The following ZBTB22 variants were observed in gnomAD, a reference collection of about 807,000 sequenced individuals.
ZBTB22 encodes the protein zinc finger and BTB domain-containing protein 22.
For missense variants in ZBTB22, 668 were observed against 834.1 expected (o/e 0.80, Z 2.45); for synonymous variants, 356 against 347.3 (o/e 1.03, Z -0.28).
In ZBTB22 at chr6:33,316,121, C is replaced by T. The variant is rs1362911495; in HGVS notation, c.796G>A (p.Asp266Asn). 5 of 1,613,570 alleles carry T rather than the reference C, an allele frequency of 3.1e-6. No homozygotes were observed. The highest frequency in any genetic ancestry group is 2.2e-5 in the East Asian group (1 of 44,882). Reference sequence around the variant, plus strand: ...GCCCCCCTCCCATCCCCACCATCATCGCACAGCTCATCTGCCTCCAGCAGC... The same window carrying T: ...GCCCCCCTCCCATCCCCACCATCATTGCACAGCTCATCTGCCTCCAGCAGC... Reference protein sequence around the residue: ...KLLLEADELCDDGGDGRGAVV... With the variant: ...KLLLEADELCNDGGDGRGAVV... Residue 266 changes from aspartate (D) to asparagine (N), a missense_variant, in exon 2 of 2, where the codon GAT becomes AAT. By Grantham distance (23) the Asp-to-Asn change is conservative. Transcript: ENST00000431845. The surrounding 1 kb of genome is among the most constrained non-coding windows in gnomAD (Gnocchi z 7.2).
At position 33,316,166 on chromosome 6, in the gene ZBTB22, C is replaced by G. The variant is rs1250788946; in HGVS notation, c.751G>C (p.Gly251Arg). ...AGCAGCAGCTTTCCAGATGTGGCCC[C>G]TCCACTGCCAACGACAGGGGCTGGG... is the stretch of plus-strand genomic sequence containing the variant. ...VFPAPVVGSGGATSGKLLLEA... is the reference protein window; with the variant it reads ...VFPAPVVGSGRATSGKLLLEA... Residue 251 changes from glycine to arginine, a missense_variant, in exon 2 of 2, where the codon GGG becomes CGG. Gly to Arg is a moderately radical substitution (Grantham distance 125, BLOSUM62 -2). Coordinates refer to ENST00000431845, the MANE Select transcript of ZBTB22 (RefSeq NM_005453.5). The surrounding 1 kb of genome is among the most constrained non-coding windows in gnomAD (Gnocchi z 7.2). The G allele has an allele frequency of 1.9e-6, 3 of 1,613,988 alleles. No homozygotes were observed. The South Asian group carries it at 3.3e-5, about 18-fold the overall frequency.
Position 33,316,927 on chromosome 6 carries a change from G to C in ZBTB22, c.-11C>G, listed in dbSNP as rs1467593022. The C allele has an allele frequency of 5.7e-6, 9 of 1,566,548 alleles. No homozygotes were observed. The highest frequency in any genetic ancestry group is 7.8e-6 in the Non-Finnish European group (9 of 1,156,308). ...AGGAGATGGCTCCATGTTGTGGAGGGAGGGGATACCCCCCCAGCCACAGGA... is the reference window on the plus strand; with the variant it reads ...AGGAGATGGCTCCATGTTGTGGAGGCAGGGGATACCCCCCCAGCCACAGGA... On this transcript the variant is annotated 5_prime_UTR_variant, in exon 2 of 2. Coordinates refer to ENST00000431845, the MANE Select transcript of ZBTB22 (RefSeq NM_005453.5). This position sits in a 1 kb window ranked among gnomAD's most constrained non-coding sequence, Gnocchi z 7.2.
chr6:33,317,752 T>G (rs1450693066), upstream of ZBTB22: 1 of 90,378 alleles, frequency 1.1e-5, no homozygotes, highest in Non-Finnish European at 2.2e-5. Flanking sequence ...CCCTCCGCCC[T>G]CCGCCTCCGC....
At position 33,315,765 on chromosome 6, in the gene ZBTB22, A is replaced by G; in HGVS notation, c.1152T>C (p.Phe384=). 1 of 1,613,208 alleles carries G rather than the reference A, an allele frequency of 6.2e-7. No individual in the cohort carries two copies. The change falls in exon 2 of 2, where the codon TTT becomes TTC. Residue 384 remains phenylalanine (F), a synonymous_variant. Transcript: ENST00000431845. This position sits in a 1 kb window ranked among gnomAD's most constrained non-coding sequence, Gnocchi z 5.4. ...CAGGACCCCCACCCTCATATGGGCC[A>G]AAGTCATTGGAGGACTCACAGAAGT... ...QVNFCESSND[F]GPYEGGGPVA...
At position 33,316,465 on chromosome 6, in the gene ZBTB22, C is replaced by T. The variant is rs768312900; in HGVS notation, c.452G>A (p.Arg151Gln). ...AGTGATGGTGGTGGTAGCTGAGGCC[C>T]GGCCTTCTCGGAGTAGTTCAGTGCA... The part of the protein sequence containing the change: ...DKCTELLREG[R>Q]ASATTTITTA... Residue 151 changes from arginine (R) to glutamine (Q), a missense_variant, in exon 2 of 2, where the codon CGG (arginine) becomes CAG (glutamine). Arg to Gln is a conservative substitution (Grantham distance 43). Coordinates refer to ENST00000431845, the MANE Select transcript of ZBTB22 (RefSeq NM_005453.5). The surrounding 1 kb of genome is among the most constrained non-coding windows in gnomAD (Gnocchi z 7.2). 7.4e-6 allele frequency: 12 copies of T among 1,614,056 alleles called. No individual in the cohort carries two copies. Among genetic ancestry groups the T allele is most frequent in the South Asian group, 1.1e-5 (1 of 91,082 alleles).
intron 1 of ZBTB22, among the ~76,000 whole-genome samples, chr6:33,317,307 T>C (rs1769954091): frequency 6.6e-6 from 1 of 152,172 alleles, no homozygotes; most frequent in African/African-American, 2.4e-5. Context: ...CCGACTTACC[T>C]GAGAGCCTGA....
chr6:33,315,970 T>C lies in ZBTB22; in HGVS notation c.947A>G (p.Asp316Gly). ...CTCCTCTTCCTCCTCCAGATCTGGGTCTTGGGGAACCAGGGGTGTTGGCGC... is the reference window on the plus strand; with the variant it reads ...CTCCTCTTCCTCCTCCAGATCTGGGCCTTGGGGAACCAGGGGTGTTGGCGC... Reference protein sequence around the residue: ...CPAPTPLVPQDPDLEEEEEEE... With the variant: ...CPAPTPLVPQGPDLEEEEEEE... The change falls in exon 2 of 2, where the codon GAC (aspartate) becomes GGC (glycine). Residue 316 changes from aspartate (D) to glycine (G), a missense_variant. Coordinates refer to ENST00000431845, the MANE Select transcript of ZBTB22 (RefSeq NM_005453.5). The surrounding 1 kb of genome is among the most constrained non-coding windows in gnomAD (Gnocchi z 5.4). 6.2e-7 allele frequency: 1 copy of C among 1,614,028 alleles called. No individual in the cohort carries two copies. The highest frequency in any genetic ancestry group is 8.5e-7 in the Non-Finnish European group (1 of 1,179,992).
In ZBTB22 at chr6:33,315,905, C is replaced by T. The variant is rs1283136884; in HGVS notation, c.1012G>A (p.Glu338Lys). Residue 338 changes from glutamate (E) to lysine (K), a missense_variant, in exon 2 of 2, where the codon GAA becomes AAA. Physicochemically the swap from Glu to Lys is moderately conservative, Grantham distance 56. Coordinates refer to ENST00000431845, the MANE Select transcript of ZBTB22 (RefSeq NM_005453.5). The surrounding 1 kb of genome is among the most constrained non-coding windows in gnomAD (Gnocchi z 5.4). ...ACCCTGGAGCTACCCCCTAGTTCTT[C>T]ATCTTCATCATCCTCACAGGTCAAC... ...LVLTCEDDED[E>K]ELGGSSRVPV... 1 of 1,613,936 alleles carries T rather than the reference C, an allele frequency of 6.2e-7. No individual in the cohort carries two copies.
rs1769773724 is a variant in ZBTB22, at chr6:33,315,354, C to A, written c.1563G>T (p.Lys521Asn). 1 of 1,614,196 alleles carries A rather than the reference C, an allele frequency of 6.2e-7. No individual in the cohort carries two copies. Among genetic ancestry groups the A allele is most frequent in the Non-Finnish European group, 8.5e-7 (1 of 1,180,036 alleles). The change falls in exon 2 of 2, where the codon AAG becomes AAT. Residue 521 changes from lysine (K) to asparagine (N), a missense_variant. Physicochemically the swap from Lys to Asn is moderately conservative, Grantham distance 94. Transcript: ENST00000431845. This position sits in a 1 kb window ranked among gnomAD's most constrained non-coding sequence, Gnocchi z 5.4. ...RPFDCPVCNK[K>N]FKMKHHLTEH... ...CAGTCAGATGGTGCTTCATCTTGAA[C>A]TTTTTGTTGCACACGGGGCAGTCAA...
chr6:33,314,433 T>G lies in ZBTB22; in HGVS notation c.*579A>C. The stretch of plus-strand genomic sequence containing the variant: ...GGAAGCCAAGTAAATGACCAATAAA[T>G]ATTTTAATCACTGTTAAAAAAAATA... On this transcript the variant is annotated 3_prime_UTR_variant, in exon 2 of 2. Transcript: ENST00000431845. The G allele has an allele frequency of 3.4e-6, 1 of 292,182 alleles. No homozygotes were observed. The highest frequency in any genetic ancestry group is 6.4e-6 in the Non-Finnish European group (1 of 155,348). The allele number at this position is 292,182 out of a possible 1,614,324, so 18.1% of individuals were successfully genotyped here.
rs1421952816 is a variant in ZBTB22, at chr6:33,315,688, G to A, written c.1229C>T (p.Ser410Phe). 1 of 1,613,820 alleles carries A rather than the reference G, an allele frequency of 6.2e-7. No individual in the cohort carries two copies. Among genetic ancestry groups the A allele is most frequent in the Non-Finnish European group, 8.5e-7 (1 of 1,179,860 alleles). The change falls in exon 2 of 2, where the codon TCC (serine) becomes TTC (phenylalanine). Residue 410 changes from serine (S) to phenylalanine (F), a missense_variant. Transcript: ENST00000431845. The surrounding 1 kb of genome is among the most constrained non-coding windows in gnomAD (Gnocchi z 5.4). The stretch of plus-strand genomic sequence containing the variant: ...GGGAAGGAGCGGTCGAGGAGGGTGG[G>A]AGGGGGCATAGGAAGAGGGAGTTGG... ...GGPTPSSYAP[S>F]HPPRPLLPLD...
Position 33,315,932 on chromosome 6 carries a change from C to G in ZBTB22, c.985G>C (p.Val329Leu), listed in dbSNP as rs1367271292. Reference protein sequence around the residue: ...LEEEEEEEDLVLTCEDDEDEE... With the variant: ...LEEEEEEEDLLLTCEDDEDEE... ...TCTTCATCATCCTCACAGGTCAACA[C>G]CAGATCTTCCTCCTCCTCTTCCTCC... The change falls in exon 2 of 2, where the codon GTG becomes CTG. Residue 329 changes from valine to leucine, a missense_variant. Val to Leu is a conservative substitution (Grantham distance 32). Coordinates refer to ENST00000431845, the MANE Select transcript of ZBTB22 (RefSeq NM_005453.5). The surrounding 1 kb of genome is among the most constrained non-coding windows in gnomAD (Gnocchi z 5.4). 1 of 1,614,118 alleles carries G rather than the reference C, an allele frequency of 6.2e-7. No homozygotes were observed. The highest frequency in any genetic ancestry group is 2.2e-5 in the East Asian group (1 of 44,886).
rs772821343 is a variant in ZBTB22 at position 33,315,658 on chromosome 6, T to A, written c.1259A>T (p.Asp420Val). 1 of 1,613,642 alleles carries A rather than the reference T, an allele frequency of 6.2e-7. No individual in the cohort carries two copies. The highest frequency in any genetic ancestry group is 8.5e-7 in the Non-Finnish European group (1 of 1,179,868). ...SHPPRPLLPL[D>V]MQGNQILVFP... ...GACCAGGATCTGGTTGCCCTGCATG[T>A]CCAAGGGAAGGAGCGGTCGAGGAGG... Residue 420 changes from aspartate (D) to valine (V), a missense_variant, in exon 2 of 2, where the codon GAC becomes GTC. By Grantham distance (152) the Asp-to-Val change is radical (BLOSUM62 -3). Coordinates refer to ENST00000431845, the MANE Select transcript of ZBTB22 (RefSeq NM_005453.5). This position sits in a 1 kb window ranked among gnomAD's most constrained non-coding sequence, Gnocchi z 5.4.
At chr6:33,317,295 T>A (rs1213754735) in intron 1 of ZBTB22, among the ~76,000 whole-genome samples, 1 of 152,154 alleles carries the variant, frequency 6.6e-6, no homozygotes, top group East Asian at 1.9e-4. Flanking sequence ...TATACCCTAT[T>A]TCCGACTTAC....
Position 33,315,402 on chromosome 6 carries a change from G to A in ZBTB22, c.1515C>T (p.Asn505=), listed in dbSNP as rs1189844975. 1 of 1,614,218 alleles carries A rather than the reference G, an allele frequency of 6.2e-7. No individual in the cohort carries two copies. Among genetic ancestry groups the A allele is most frequent in the Non-Finnish European group, 8.5e-7 (1 of 1,180,050 alleles). ...CAAACGGCCGCAGATTGAGGTGCAT[G>A]TTCACGTGCCGGTCCCGCATGCTCT... ...SHKSMRDRHV[N]MHLNLRPFDC... Residue 505 remains asparagine (N), a synonymous_variant, in exon 2 of 2, where the codon AAC becomes AAT. Coordinates refer to ENST00000431845, the MANE Select transcript of ZBTB22 (RefSeq NM_005453.5). The surrounding 1 kb of genome is among the most constrained non-coding windows in gnomAD (Gnocchi z 5.4).
Position 33,315,847 on chromosome 6 carries a change from C to T in ZBTB22, c.1070G>A (p.Ser357Asn), listed in dbSNP as rs1461272155. ...ACTCAGGGTACGGACATCACTTATGCTGAGGGTAGCCTCAGGCCCTCCCCC... is the reference window on the plus strand; with the variant it reads ...ACTCAGGGTACGGACATCACTTATGTTGAGGGTAGCCTCAGGCCCTCCCCC... ...PVGGGPEATL[S>N]ISDVRTLSEP... Residue 357 changes from serine (S) to asparagine (N), a missense_variant, in exon 2 of 2, where the codon AGC (serine) becomes AAC (asparagine). Physicochemically the swap from Ser to Asn is conservative, Grantham distance 46 (BLOSUM62 1). Coordinates refer to ENST00000431845, the MANE Select transcript of ZBTB22 (RefSeq NM_005453.5). The surrounding 1 kb of genome is among the most constrained non-coding windows in gnomAD (Gnocchi z 5.4). The T allele has an allele frequency of 3.1e-6, 5 of 1,613,336 alleles. No individual in the cohort carries two copies. Among genetic ancestry groups the T allele is most frequent in the East Asian group, 2.2e-5 (1 of 44,864 alleles).
Position 33,315,774 on chromosome 6 carries a change from G to A in ZBTB22, c.1143C>T (p.Ser381=), listed in dbSNP as rs2150980492. ...GEEQVNFCES[S]NDFGPYEGGG... The stretch of plus-strand genomic sequence containing the variant: ...CACCCTCATATGGGCCAAAGTCATT[G>A]GAGGACTCACAGAAGTTGACCTGCT... The change falls in exon 2 of 2, where the codon TCC becomes TCT. Residue 381 remains serine, a synonymous_variant. Coordinates refer to ENST00000431845, the MANE Select transcript of ZBTB22 (RefSeq NM_005453.5). The surrounding 1 kb of genome is among the most constrained non-coding windows in gnomAD (Gnocchi z 5.4). The A allele has an allele frequency of 6.2e-7, 1 of 1,613,260 alleles. No homozygotes were observed. Among genetic ancestry groups the A allele is most frequent in the Non-Finnish European group, 8.5e-7 (1 of 1,179,546 alleles).
rs774423824 is a variant in ZBTB22, at chr6:33,315,015, G to A, written c.1902C>T (p.Asn634=). ...EMGFGGGGGA[N] ...CCCACCCCAGTAGCCTGCCCCTTCA[G>A]TTTGCTCCTCCACCTCCACCGAAGC... Residue 634 remains asparagine, a synonymous_variant, in exon 2 of 2, where the codon AAC becomes AAT. Coordinates refer to ENST00000431845, the MANE Select transcript of ZBTB22 (RefSeq NM_005453.5). The surrounding 1 kb of genome is among the most constrained non-coding windows in gnomAD (Gnocchi z 5.4). The A allele has an allele frequency of 1.9e-6, 3 of 1,544,396 alleles. No individual in the cohort carries two copies. Among genetic ancestry groups the A allele is most frequent in the Middle Eastern group, 1.8e-4 (1 of 5,710 alleles).
chr6:33,317,011 A>G, intron 1 of ZBTB22, 26 bp from the exon 2 acceptor site: 1 of 1,385,390 alleles, frequency 7.2e-7, no homozygotes, highest in African/African-American at 1.5e-5. Flanking sequence ...GAAAAGAATA[A>G]TGATAACATC....
Sources: gnomAD v4.1 joint callset for allele counts (sites outside exome capture counted in the v4.1 genomes callset) on GRCh38, gnomAD v4.1.1 for gene constraint, Gnocchi (gnomAD v3.1) non-coding constraint, MANE v1.5 for transcripts, NCBI Gene and HGNC (gene_info 2026-07-23, HGNC 2026-07-21) for gene names.